UST: variants seen among roughly 807,000 people sequenced by gnomAD.
UST encodes the protein chondroitin sulfate 2-O-sulfotransferase.
A neutral mutation model predicts 45.6 loss-of-function variants in UST; 21 were observed. The ratio of observed to expected loss-of-function variants is 0.46; its 90% CI spans 0.33 to 0.66. The LOEUF (loss-of-function observed/expected upper bound fraction) is 0.66, where lower values mean the gene tolerates loss of function less well. Ranked by LOEUF, UST falls within the 30% of genes least tolerant of loss-of-function variation. UST has a pLI of 0.02. For synonymous variants in UST, 215 were observed against 200.6 expected (o/e 1.07, Z -0.61); for missense variants, 463 against 512.4 (o/e 0.90, Z 0.93).
intron 1 of UST, among the ~76,000 whole-genome samples, chr6:148,848,017 A>T (rs73001127): frequency 0.09 from 13,726 of 152,154 alleles, 688 homozygotes; most frequent in East Asian, 0.16. Context: ...GAAGCCAGAT[A>T]TTTTTGTCAG....
chr6:148,780,950 T>G (rs1201206369), intron 1 of UST, among the ~76,000 whole-genome samples: 2 of 152,204 alleles, frequency 1.3e-5, no homozygotes, highest in African/African-American at 4.8e-5. Context: ...GTGTTCTGAC[T>G]GCTCCACCTA....
chr6:149,049,965 AC>A, intron 7 of UST, among the ~76,000 whole-genome samples: 1 of 150,226 alleles, frequency 6.7e-6, no homozygotes, highest in African/African-American at 2.5e-5. Context: ...ACACACACAC[AC>A]GTGGCCCTTT....
intron 2 of UST, among the ~76,000 whole-genome samples, chr6:148,892,733 T>C (rs1779043896): frequency 6.6e-6 from 1 of 152,216 alleles, no homozygotes; most frequent in African/African-American, 2.4e-5. Context: ...TAATCCATTC[T>C]ATTGTTCTTA....
intron 1 of UST, among the ~76,000 whole-genome samples, chr6:148,813,018 C>T (rs1414446130): frequency 6.6e-6 from 1 of 152,172 alleles, no homozygotes; most frequent in African/African-American, 2.4e-5. Flanking sequence ...TTTAATAGTG[C>T]CCCTTTTTCA....
chr6:149,022,322 C>T (rs187550890), intron 7 of UST, among the ~76,000 whole-genome samples: 308 of 152,214 alleles, frequency 2.0e-3, no homozygotes, highest in Non-Finnish European at 3.8e-3. Context: ...CAGATAGGCC[C>T]GGTGCGGTGG....
At chr6:148,916,674 T>C (rs74903882) in intron 2 of UST, among the ~76,000 whole-genome samples, 19,410 of 151,946 alleles carry the variant, frequency 0.13, 1,588 homozygotes, top group East Asian at 0.42. Flanking sequence ...GTCACATCCC[T>C]TGTGGGAGAT....
intron 3 of UST, among the ~76,000 whole-genome samples, chr6:148,950,134 A>T (rs574719986): frequency 6.6e-6 from 1 of 152,278 alleles, no homozygotes; most frequent in Non-Finnish European, 1.5e-5. Context: ...TGGTTCTCAC[A>T]CTTTTGTGCC....
At chr6:149,041,010 A>G (rs1219467594) in intron 7 of UST, among the ~76,000 whole-genome samples, 1 of 152,192 alleles carries the variant, frequency 6.6e-6, no homozygotes, top group Non-Finnish European at 1.5e-5. Flanking sequence ...GACCTCTGTT[A>G]TACAGAAACA....
At chr6:148,836,749 C>T (rs1463721410) in intron 1 of UST, among the ~76,000 whole-genome samples, 1 of 152,174 alleles carries the variant, frequency 6.6e-6, no homozygotes, top group Non-Finnish European at 1.5e-5. Context: ...ATTGGGTCCA[C>T]CAAGTATCCA....
At chr6:148,951,567 C>T (rs1319836970) in intron 3 of UST, among the ~76,000 whole-genome samples, 1 of 152,144 alleles carries the variant, frequency 6.6e-6, no homozygotes, top group Non-Finnish European at 1.5e-5. Context: ...TTGTCACCCC[C>T]TGATGCCTCT....
chr6:148,893,049 A>G (rs1779050378), intron 2 of UST, among the ~76,000 whole-genome samples: 1 of 152,210 alleles, frequency 6.6e-6, no homozygotes, highest in Admixed American at 6.5e-5. Context: ...AATAGCTAGA[A>G]CTGCTTCAAA....
At chr6:148,749,738 G>A (rs1158432502) in intron 1 of UST, among the ~76,000 whole-genome samples, 2 of 152,180 alleles carry the variant, frequency 1.3e-5, no homozygotes, top group East Asian at 3.8e-4. Context: ...AATAAATTTG[G>A]GTGGTCAGTT....
intron 1 of UST, among the ~76,000 whole-genome samples, chr6:148,781,973 G>A (rs1776652171): frequency 6.6e-6 from 1 of 152,210 alleles, no homozygotes; most frequent in Non-Finnish European, 1.5e-5. Context: ...GGTCTCTGAT[G>A]GAGATGTACA....
At chr6:149,022,713 C>T (rs753310150) in intron 7 of UST, among the ~76,000 whole-genome samples, 10 of 152,214 alleles carry the variant, frequency 6.6e-5, no homozygotes, top group Non-Finnish European at 5.9e-5. Flanking sequence ...TGGTAGGTCC[C>T]AAGGCCCAGG....
At chr6:149,038,693 G>A (rs10457074) in intron 7 of UST, among the ~76,000 whole-genome samples, 95,402 of 152,010 alleles carry the variant, frequency 0.63, 30,446 homozygotes, top group Non-Finnish European at 0.67. Flanking sequence ...GGGTCCGTTC[G>A]CATTCAAAAT....
intron 2 of UST, among the ~76,000 whole-genome samples, chr6:148,926,730 T>G (rs765032089): frequency 2.8e-4 from 42 of 152,238 alleles, no homozygotes; most frequent in Non-Finnish European, 5.6e-4. Flanking sequence ...ACTCATTCAT[T>G]TGTTGAATGA....
chr6:149,072,530 G>A (rs4897077), intron 7 of UST, among the ~76,000 whole-genome samples: 36,318 of 151,870 alleles, frequency 0.24, 4,451 homozygotes, highest in Admixed American at 0.27. Context: ...GTGCATGCCT[G>A]TAATCTCAGC....
At chr6:148,863,366 C>T (rs1778357283) in intron 1 of UST, among the ~76,000 whole-genome samples, 1 of 152,168 alleles carries the variant, frequency 6.6e-6, no homozygotes, top group South Asian at 2.1e-4. Flanking sequence ...TTAAGGTCTT[C>T]TCTATGCTGT....
chr6:148,919,434 G>A (rs1167110746), intron 2 of UST, among the ~76,000 whole-genome samples: 2 of 152,010 alleles, frequency 1.3e-5, no homozygotes, highest in Admixed American at 1.3e-4. Context: ...GTGTGTGTGT[G>A]TGTGTGTGTG....
Sources: gnomAD v4.1 joint callset for allele counts (sites outside exome capture counted in the v4.1 genomes callset) on GRCh38, gnomAD v4.1.1 for gene constraint, MANE v1.5 for transcripts, NCBI Gene and HGNC (gene_info 2026-07-23, HGNC 2026-07-21) for gene names.